The following MAOA variants were observed in gnomAD, a reference collection of about 807,000 sequenced individuals.
The protein encoded by MAOA is monoamine oxidase A.
In MAOA, 6 loss-of-function variants were observed where a neutral mutation model predicts 42.0. The ratio of observed to expected loss-of-function variants is 0.14; its 90% CI spans 0.08 to 0.28. MAOA has a LOEUF of 0.28. Ranked by LOEUF, MAOA falls within the 10% of genes least tolerant of loss-of-function variation. MAOA has a pLI of 1.00. For missense variants in MAOA, 262 were observed against 422.3 expected, an observed-to-expected ratio of 0.62 and a Z score of 3.33; for synonymous variants, 140 against 154.0, an observed-to-expected ratio of 0.91 and a Z score of 0.67.
chrX:43,664,270 G>A (rs1303089510), intron 1 of MAOA, among the ~76,000 whole-genome samples: 2 of 112,238 alleles, frequency 1.8e-5, no homozygotes, highest in African/African-American at 6.5e-5. Context: ...AAGAATTTGG[G>A]AGAAAACATT....
At chrX:43,662,589 T>C (rs920063721) in intron 1 of MAOA, among the ~76,000 whole-genome samples, 1 of 111,674 alleles carries the variant, frequency 9.0e-6, no homozygotes, top group Non-Finnish European at 1.9e-5. Context: ...TTGGTGAATA[T>C]TGGGTCACAA....
At chrX:43,688,088 A>G (rs1485425909) in intron 2 of MAOA, among the ~76,000 whole-genome samples, 2 of 112,237 alleles carry the variant, frequency 1.8e-5, no homozygotes, top group Non-Finnish European at 3.8e-5. Context: ...TCCCCTTCTC[A>G]CTGACAGCCA....
At chrX:43,696,679 C>T (rs1266295390) in intron 3 of MAOA, among the ~76,000 whole-genome samples, 3 of 106,038 alleles carry the variant, frequency 2.8e-5, no homozygotes, top group African/African-American at 6.9e-5. Flanking sequence ...GAGTTTGCAG[C>T]GAGCCACGAT....
intron 5 of MAOA, among the ~76,000 whole-genome samples, chrX:43,717,178 A>G: frequency 9.0e-6 from 1 of 110,733 alleles, no homozygotes; most frequent in Admixed American, 9.6e-5. Flanking sequence ...AAGGGGTTAT[A>G]TCTTTCAGGA....
intron 10 of MAOA, among the ~76,000 whole-genome samples, chrX:43,740,454 C>T (rs1221358313): frequency 9.0e-6 from 1 of 111,589 alleles, no homozygotes; most frequent in East Asian, 2.8e-4. Context: ...AAGAATAATT[C>T]CATTGAATCC....
chrX:43,670,361 C>T (rs1450928170), intron 1 of MAOA, among the ~76,000 whole-genome samples: 1 of 111,663 alleles, frequency 9.0e-6, no homozygotes, highest in Non-Finnish European at 1.9e-5. Context: ...TGTTTTTAAA[C>T]TGTGAATGCC....
At chrX:43,715,283 A>C (rs1357109186) in intron 5 of MAOA, among the ~76,000 whole-genome samples, 1 of 109,811 alleles carries the variant, frequency 9.1e-6, no homozygotes, top group African/African-American at 3.3e-5. Context: ...GGTTTCTTCC[A>C]AGAATGACTC....
intron 5 of MAOA, among the ~76,000 whole-genome samples, chrX:43,725,354 G>A (rs543924721): frequency 1.2e-4 from 14 of 112,141 alleles, no homozygotes; most frequent in African/African-American, 4.5e-4. Flanking sequence ...GGATGTTCCT[G>A]TATTGGGTGC....
chrX:43,704,118 A>T (rs1436322388), intron 3 of MAOA, among the ~76,000 whole-genome samples: 2 of 111,601 alleles, frequency 1.8e-5, no homozygotes, highest in Non-Finnish European at 3.8e-5. Flanking sequence ...AAAATACAAG[A>T]GGAGGAAAGA....
intron 1 of MAOA, among the ~76,000 whole-genome samples, chrX:43,669,796 C>T (rs1169300916): frequency 1.8e-5 from 2 of 111,726 alleles, no homozygotes; most frequent in Non-Finnish European, 3.8e-5. Flanking sequence ...CTTTTTTTTA[C>T]CTTTATTGTA....
chrX:43,658,482 A>G (rs1465706451), intron 1 of MAOA, among the ~76,000 whole-genome samples: 1 of 111,625 alleles, frequency 9.0e-6, no homozygotes, highest in African/African-American at 3.3e-5. Flanking sequence ...TCAGTCCTGT[A>G]TTTGCAATTT....
At chrX:43,711,621 A>T (rs1371920526) in intron 3 of MAOA, among the ~76,000 whole-genome samples, 3 of 111,952 alleles carry the variant, frequency 2.7e-5, no homozygotes, top group African/African-American at 9.8e-5. Flanking sequence ...ATAGAAATAA[A>T]TTTAAAGCTA....
At chrX:43,658,232 T>G (rs2033202403) in intron 1 of MAOA, among the ~76,000 whole-genome samples, 1 of 111,473 alleles carries the variant, frequency 9.0e-6, no homozygotes, top group Non-Finnish European at 1.9e-5. Flanking sequence ...TCAGAGTTCT[T>G]TCTGGGATTT....
At position 43,720,540 on chromosome X, in the gene MAOA, G is replaced by A. The variant is rs770518437; in HGVS notation, c.504-7633G>A. On this transcript the variant is annotated intron_variant, in intron 5 of 14. Transcript: ENST00000338702. Reference sequence around the variant, plus strand: ...GTAGCAAGATACATCTTCCAGGAATGAGCCACGAGGGCTTGAGGGGAGACA... The same window carrying A: ...GTAGCAAGATACATCTTCCAGGAATAAGCCACGAGGGCTTGAGGGGAGACA... Among the ~76,000 whole-genome samples, 9 of 110,485 alleles carry A rather than the reference G, an allele frequency of 8.1e-5. No individual in the cohort carries two copies. In the East Asian group the frequency reaches 2.3e-3, roughly 28 times the overall value.
At chrX:43,717,470 G>A (rs2033753447) in intron 5 of MAOA, among the ~76,000 whole-genome samples, 1 of 111,985 alleles carries the variant, frequency 8.9e-6, no homozygotes, top group Admixed American at 9.4e-5. Flanking sequence ...AGCCACAGGT[G>A]TGGGAGAAGA....
Position 43,659,850 on chromosome X carries a change from T to C in MAOA, c.73+3436T>C, listed in dbSNP as rs2033218194. On this transcript the variant is annotated intron_variant, in intron 1 of 14. Transcript: ENST00000338702. ...CCTTTTAGCAGATCCTTCTCACTCT[T>C]CTTTGGGGCTATCTCTCTTCTCCTT... Among the ~76,000 whole-genome samples the C allele has an allele frequency of 3.6e-5, 4 of 111,163 alleles. No individual in the cohort carries two copies. In the South Asian group the frequency reaches 1.1e-3, roughly 32 times the overall value.
intron 3 of MAOA, among the ~76,000 whole-genome samples, chrX:43,706,544 G>C (rs144549104): frequency 0.027 from 3,007 of 110,321 alleles, 53 homozygotes; most frequent in Non-Finnish European, 0.044. Flanking sequence ...CAGCAGTTTG[G>C]GAGGCCAAGA....
chrX:43,744,067 T>A, intron 13 of MAOA, 42 bp from the exon 14 acceptor site: 1 of 1,201,019 alleles, frequency 8.3e-7, no homozygotes, highest in African/African-American at 1.7e-5. Flanking sequence ...CTGTAGAAAC[T>A]ATACAGCCTC....
intron 5 of MAOA, among the ~76,000 whole-genome samples, chrX:43,718,307 G>A (rs1305736880): frequency 2.9e-5 from 3 of 104,582 alleles, no homozygotes; most frequent in Non-Finnish European, 5.9e-5. Flanking sequence ...GGGGAGACAG[G>A]GTACATTGGG....
Sources: gnomAD v4.1 joint callset for allele counts (sites outside exome capture counted in the v4.1 genomes callset) on GRCh38, gnomAD v4.1.1 for gene constraint, MANE v1.5 for transcripts, NCBI Gene and HGNC (gene_info 2026-07-23, HGNC 2026-07-21) for gene names.